VPS13C: variants seen among roughly 807,000 people sequenced by gnomAD.
VPS13C encodes the protein vacuolar protein sorting 13 homolog C.
VPS13C carries 358 observed loss-of-function variants against 456.8 expected under a neutral mutation model. The observed-to-expected ratio is 0.78, with a 90% CI of 0.72 to 0.86. VPS13C has a LOEUF of 0.86. Among genes scored for constraint, VPS13C ranks in the 40% least tolerant of loss-of-function variants. VPS13C has a pLI of 0.00. For synonymous variants in VPS13C, 1,578 were observed against 1,486.7 expected, an observed-to-expected ratio of 1.06 and a Z score of -1.41; for missense variants, 4,818 against 4,385.4, an observed-to-expected ratio of 1.10 and a Z score of -2.79.
chr15:62,007,300 A>G lies in VPS13C; in HGVS notation c.1290+8T>C. On this transcript the variant is annotated splice_region_variant and intron_variant, in intron 15 of 84. Coordinates refer to ENST00000644861, the MANE Select transcript of VPS13C (RefSeq NM_020821.3). ...ATAATAGCTCTCACTAATATATGCA[A>G]GATATACCTGAATTTCTTTCTGTAT... 6.3e-7 allele frequency: 1 copy of G among 1,598,776 alleles called. No individual in the cohort carries two copies. Among genetic ancestry groups the G allele is most frequent in the African/African-American group, 1.3e-5 (1 of 74,616 alleles).
At position 61,913,347 on chromosome 15, in the gene VPS13C, C is replaced by T. The variant is rs1230920019; in HGVS notation, c.8514G>A (p.Gly2838=). The change falls in exon 62 of 85, where the codon GGG becomes GGA. Residue 2838 remains glycine, a synonymous_variant. Coordinates refer to ENST00000644861, the MANE Select transcript of VPS13C (RefSeq NM_020821.3). ...SFSLDTVGSY[G]CVKCPANNME... ...TATTGTTGGCAGGACACTTCACACA[C>T]CCATAACTTCCCACTGTATCCAATG... The T allele has an allele frequency of 6.2e-7, 1 of 1,614,062 alleles. No individual in the cohort carries two copies. The highest frequency in any genetic ancestry group is 1.7e-5 in the Admixed American group (1 of 60,030).
In VPS13C at chr15:61,967,324, G is replaced by A. The variant is rs200609240; in HGVS notation, c.2991+44C>T. On this transcript the variant is annotated intron_variant, in intron 29 of 84. Coordinates refer to ENST00000644861, the MANE Select transcript of VPS13C (RefSeq NM_020821.3). ...TCATATTCTTCCTTCCAGAGAAATA[G>A]TTTGGAGTAAACAATAAATATATAA... The A allele has an allele frequency of 1.9e-5, 29 of 1,499,940 alleles. No homozygotes were observed. The East Asian group carries it at 6.2e-4, about 32-fold the overall frequency. The allele number at this position is 1,499,940 out of a possible 1,614,324, so 92.9% of individuals were successfully genotyped here. A position where few individuals can be genotyped will look rare whatever the true frequency, so the allele number is the denominator to read the frequency against.
At chr15:61,931,320 A>G in intron 49 of VPS13C, 61 bp from the exon 50 acceptor site, 1 of 1,452,786 alleles carries the variant, frequency 6.9e-7, no homozygotes, top group Non-Finnish European at 9.1e-7. Flanking sequence ...AATTACTTTT[A>G]AACATATTAC....
intron 6 of VPS13C, 150 bp downstream of exon 6, chr15:62,028,208 A>G: frequency 1.4e-6 from 1 of 700,788 alleles, no homozygotes; most frequent in Non-Finnish European, 2.4e-6. Context: ...ACAGGTAAGG[A>G]AAAGGAAATG....
intron 73 of VPS13C, 109 bp from the exon 74 acceptor site, chr15:61,878,855 CT>C: frequency 8.8e-7 from 1 of 1,131,102 alleles, no homozygotes; most frequent in African/African-American, 1.6e-5. Flanking sequence ...GATTAGAGTC[CT>C]AGTGAAAGCT....
chr15:61,991,905 G>A lies in VPS13C; in HGVS notation c.1354-103C>T, dbSNP rs2046236112. 5 of 1,083,796 alleles carry A rather than the reference G, an allele frequency of 4.6e-6. No individual in the cohort carries two copies. The African/African-American group carries it at 4.9e-5, about 11-fold the overall frequency. 67.1% of individuals were successfully genotyped at this position (1,083,796 alleles called of 1,614,324 possible). Reference sequence around the variant, plus strand: ...CAATGGTTCTTTTTTTTTTTTTAACGCTACGTAACATTGCACCAGTCAAGA... The same window carrying A: ...CAATGGTTCTTTTTTTTTTTTTAACACTACGTAACATTGCACCAGTCAAGA... On this transcript the variant is annotated intron_variant, in intron 16 of 84. Coordinates refer to ENST00000644861, the MANE Select transcript of VPS13C (RefSeq NM_020821.3).
chr15:61,931,269 A>AT lies in VPS13C; in HGVS notation c.5869-11dup. 2 of 1,602,968 alleles carry AT rather than the reference A, an allele frequency of 1.2e-6. No homozygotes were observed. Among genetic ancestry groups the AT allele is most frequent in the South Asian group, 1.1e-5 (1 of 88,840 alleles). ...ATGCAACTCCAGATTCCTATGGTACATTTTTCAAGCAAAAGAATCAATTAC... is the reference window on the plus strand; with the variant it reads ...ATGCAACTCCAGATTCCTATGGTACATTTTTTCAAGCAAAAGAATCAATTAC... On this transcript the variant is annotated splice_polypyrimidine_tract_variant and intron_variant, in intron 49 of 84. Transcript: ENST00000644861.
Position 61,915,831 on chromosome 15 carries a change from C to T in VPS13C, c.8247G>A (p.Thr2749=). Residue 2749 remains threonine, a synonymous_variant, in exon 61 of 85, where the codon ACG becomes ACA. Transcript: ENST00000644861. ...VCFSSDSTEV[T]TVDLSVHVRR... Reference sequence around the variant, plus strand: ...TGACGTGGACTGACAGGTCGACTGTCGTCACTTCTGTGGAGTCAGAAGAAA... The same window carrying T: ...TGACGTGGACTGACAGGTCGACTGTTGTCACTTCTGTGGAGTCAGAAGAAA... The T allele has an allele frequency of 1.2e-6, 2 of 1,613,890 alleles. No individual in the cohort carries two copies. The highest frequency in any genetic ancestry group is 1.7e-6 in the Non-Finnish European group (2 of 1,180,000).
At chr15:61,901,752 C>T (rs905226178) in intron 66 of VPS13C, among the ~76,000 whole-genome samples, 5 of 151,802 alleles carry the variant, frequency 3.3e-5, no homozygotes, top group African/African-American at 7.3e-5. Flanking sequence ...CCCAGCCATC[C>T]CATTACTGGG....
intron 27 of VPS13C, 44 bp from the exon 28 acceptor site, chr15:61,969,496 T>C (rs2045481504): frequency 1.5e-6 from 2 of 1,371,764 alleles, no homozygotes; most frequent in East Asian, 4.9e-5. Flanking sequence ...GAAGTCTGAA[T>C]CATACTTAAA....
At chr15:62,023,877 G>C in intron 6 of VPS13C, 32 bp from the exon 7 acceptor site, 1 of 1,589,798 alleles carries the variant, frequency 6.3e-7, no homozygotes, top group Non-Finnish European at 8.6e-7. Flanking sequence ...GTGAGAAAAG[G>C]ATAAGATTCA....
chr15:61,995,631 A>G (rs2046358839), intron 16 of VPS13C, among the ~76,000 whole-genome samples: 1 of 152,164 alleles, frequency 6.6e-6, no homozygotes, highest in Non-Finnish European at 1.5e-5. Flanking sequence ...ACTGAAGATG[A>G]TATTTAGAAG....
Position 61,917,519 on chromosome 15 carries a change from T to C in VPS13C, c.7877A>G (p.Gln2626Arg), listed in dbSNP as rs2043510812. Residue 2626 changes from glutamine (Q) to arginine (R), a missense_variant, in exon 60 of 85, where the codon CAG becomes CGG. By Grantham distance (43) the Gln-to-Arg change is conservative. Transcript: ENST00000644861. Reference sequence around the variant, plus strand: ...GAAGCTGACTTCTACTGATGGACACTGCAACATGCATCTGACTTCCCTGCT... The same window carrying C: ...GAAGCTGACTTCTACTGATGGACACCGCAACATGCATCTGACTTCCCTGCT... ...HRSREVRCML[Q>R]CPSVEVSFLP... The C allele has an allele frequency of 1.9e-6, 3 of 1,614,068 alleles. No individual in the cohort carries two copies. The highest frequency in any genetic ancestry group is 1.7e-6 in the Non-Finnish European group (2 of 1,179,922).
chr15:61,997,497 G>A (rs2046428701), intron 16 of VPS13C, among the ~76,000 whole-genome samples: 1 of 151,998 alleles, frequency 6.6e-6, no homozygotes, highest in South Asian at 2.1e-4. Context: ...CTACTCCACT[G>A]CCCCTCTGAG....
chr15:61,968,008 T>C (rs2140339097), intron 28 of VPS13C, among the ~76,000 whole-genome samples: 1 of 152,160 alleles, frequency 6.6e-6, no homozygotes, highest in East Asian at 1.9e-4. Flanking sequence ...AATTTTCCCT[T>C]GACTTCCAAG....
intron 26 of VPS13C, among the ~76,000 whole-genome samples, chr15:61,973,214 T>A (rs1051784592): frequency 9.2e-5 from 14 of 152,114 alleles, no homozygotes; most frequent in Admixed American, 3.3e-4. Context: ...GTAGTTTATT[T>A]AGAATCTTAA....
intron 1 of VPS13C, among the ~76,000 whole-genome samples, chr15:62,048,424 G>A (rs2048502546): frequency 1.3e-5 from 2 of 151,966 alleles, no homozygotes; most frequent in Non-Finnish European, 2.9e-5. Context: ...CCCTACAAAG[G>A]ACATGAACTC....
intron 18 of VPS13C, 83 bp from the exon 19 acceptor site, chr15:61,985,082 A>AATT: frequency 8.8e-7 from 1 of 1,140,442 alleles, no homozygotes; most frequent in Non-Finnish European, 1.2e-6. Context: ...AAATTTGCTG[A>AATT]ATTATAAAGC....
chr15:61,881,479 C>T, intron 71 of VPS13C, 84 bp downstream of exon 71: 2 of 1,351,986 alleles, frequency 1.5e-6, no homozygotes, highest in Admixed American at 2.5e-5. Context: ...ACATGAAAGT[C>T]ACTTTCAAAA....
Sources: gnomAD v4.1 joint callset for allele counts (sites outside exome capture counted in the v4.1 genomes callset) on GRCh38, gnomAD v4.1.1 for gene constraint, MANE v1.5 for transcripts, NCBI Gene and HGNC (gene_info 2026-07-23, HGNC 2026-07-21) for gene names.